Variants in STAT3 observed in about 807,000 individuals in gnomAD.
STAT3 encodes the protein signal transducer and activator of transcription 3, also known as DNA-binding protein APRF.
In STAT3, 7 loss-of-function variants were observed where a neutral mutation model predicts 114.3. The observed-to-expected ratio is 0.06, with a 90% confidence interval of 0.03 to 0.11. STAT3 has a LOEUF of 0.11. Among genes scored for constraint, STAT3 ranks in the 10% least tolerant of loss-of-function variants. The pLI is 1.00. For synonymous variants in STAT3, 331 were observed against 354.5 expected, an observed-to-expected ratio of 0.93 and a Z score of 0.74; for missense variants, 364 against 960.9, an observed-to-expected ratio of 0.38 and a Z score of 8.21.
chr17:42,333,768 G>T lies in STAT3; in HGVS notation c.957-3C>A. On this transcript the variant is annotated splice_region_variant and splice_polypyrimidine_tract_variant and intron_variant, in intron 9 of 23. Coordinates refer to ENST00000264657, the MANE Select transcript of STAT3 (RefSeq NM_139276.3). This position sits in a 1 kb window ranked among gnomAD's most constrained non-coding sequence, Gnocchi z 5.2. ...GCTGCCGCTCCACCACAAAGGCACT[G>T]AGGAAAGAGAAGATGGGCTCACGCG... The T allele has an allele frequency of 6.2e-7, 1 of 1,614,234 alleles. No homozygotes were observed. The highest frequency in any genetic ancestry group is 8.5e-7 in the Non-Finnish European group (1 of 1,180,048).
chr17:42,337,551 C>A lies in STAT3; in HGVS notation c.681G>T (p.Ala227=). 6.2e-7 allele frequency: 1 copy of A among 1,614,232 alleles called. No homozygotes were observed. Among genetic ancestry groups the A allele is most frequent in the Non-Finnish European group, 8.5e-7 (1 of 1,180,048 alleles). Residue 227 remains alanine, a synonymous_variant, in exon 8 of 24, where the codon GCG becomes GCT. Coordinates refer to ENST00000264657, the MANE Select transcript of STAT3 (RefSeq NM_139276.3). This position sits in a 1 kb window ranked among gnomAD's most constrained non-coding sequence, Gnocchi z 4.0. ...TGAGAGTTTTCTGCACGTACTCCAT[C>A]GCTGACAAAAGCCCCGCCAGCTCAC... is the stretch of plus-strand genomic sequence containing the variant. ...IVSELAGLLS[A]MEYVQKTLTD... is the part of the protein sequence containing the mutation.
At chr17:42,330,186 G>A (rs1376214177) in intron 11 of STAT3, among the ~76,000 whole-genome samples, 4 of 148,608 alleles carry the variant, frequency 2.7e-5, no homozygotes, top group South Asian at 2.1e-4. Flanking sequence ...GTGTGATCTC[G>A]GCTCACCACA....
At chr17:42,381,339 G>T (rs375139397) in intron 1 of STAT3, among the ~76,000 whole-genome samples, 1 of 152,176 alleles carries the variant, frequency 6.6e-6, no homozygotes, top group Non-Finnish European at 1.5e-5. Flanking sequence ...CTTATGGCTG[G>T]GGGTAGCAGG....
At chr17:42,359,868 G>A (rs1369565794) in intron 1 of STAT3, among the ~76,000 whole-genome samples, 2 of 151,878 alleles carry the variant, frequency 1.3e-5, no homozygotes, top group African/African-American at 2.4e-5. Context: ...AGACCATCCT[G>A]GCTAACACGG....
At chr17:42,316,447 G>A in intron 23 of STAT3, 2 of 418,568 alleles carry the variant, frequency 4.8e-6, no homozygotes, top group Non-Finnish European at 9.0e-6. Context: ...TCGAACTCCT[G>A]ACCTCAAGTG....
chr17:42,342,397 C>T (rs1407812187), intron 4 of STAT3, among the ~76,000 whole-genome samples: 2 of 151,858 alleles, frequency 1.3e-5, no homozygotes, highest in African/African-American at 4.8e-5. Flanking sequence ...ACATGAGAAT[C>T]GCTTGAACCT....
Position 42,315,899 on chromosome 17 carries a change from T to C in STAT3, c.2258-99A>G, listed in dbSNP as rs2081229260. 5 of 1,605,264 alleles carry C rather than the reference T, an allele frequency of 3.1e-6. No homozygotes were observed. The South Asian group carries it at 5.5e-5, about 18-fold the overall frequency. On this transcript the variant is annotated intron_variant, in intron 23 of 23. Coordinates refer to ENST00000264657, the MANE Select transcript of STAT3 (RefSeq NM_139276.3). ...CAGAGGACAGGGCCCAGGCTACCAC[T>C]GCTATCCAATCTCCTGCCCCTTAAG...
In STAT3 at chr17:42,329,469, G is replaced by C. The variant is rs548950456; in HGVS notation, c.1234-12C>G. ...TGCTCCCTCAGGGTCTGTAAGAAAAGAAAAAGGCAGGTGTCCTGTGAGGCT... is the reference window on the plus strand; with the variant it reads ...TGCTCCCTCAGGGTCTGTAAGAAAACAAAAAGGCAGGTGTCCTGTGAGGCT... On this transcript the variant is annotated splice_polypyrimidine_tract_variant and intron_variant, in intron 13 of 23. Transcript: ENST00000264657. The C allele has an allele frequency of 1.2e-6, 2 of 1,614,188 alleles. No homozygotes were observed. The highest frequency in any genetic ancestry group is 4.5e-5 in the East Asian group (2 of 44,888).
At chr17:42,371,607 C>T (rs1164835938) in intron 1 of STAT3, among the ~76,000 whole-genome samples, 4 of 145,148 alleles carry the variant, frequency 2.8e-5, no homozygotes, top group African/African-American at 7.8e-5. Flanking sequence ...ACTCAGGAGG[C>T]GGAGGTTGCA....
intron 1 of STAT3, among the ~76,000 whole-genome samples, chr17:42,378,730 T>C (rs1184888826): frequency 6.6e-6 from 1 of 152,196 alleles, no homozygotes; most frequent in Non-Finnish European, 1.5e-5. Flanking sequence ...GCTAACTCAA[T>C]GCAATATTGC....
Position 42,315,705 on chromosome 17 carries a change from G to C in STAT3, c.*40C>G. On this transcript the variant is annotated 3_prime_UTR_variant, in exon 24 of 24. Transcript: ENST00000264657. The stretch of plus-strand genomic sequence containing the variant: ...GAGGGGTGGCAGAATGCAGGTAGGC[G>C]CCTCAGTCGTATCTTTCTGCAGCTT... 6.3e-7 allele frequency: 1 copy of C among 1,592,622 alleles called. No homozygotes were observed. Among genetic ancestry groups the C allele is most frequent in the Non-Finnish European group, 8.6e-7 (1 of 1,160,460 alleles).
At chr17:42,382,251 C>T (rs2084839841) in intron 1 of STAT3, among the ~76,000 whole-genome samples, 1 of 152,198 alleles carries the variant, frequency 6.6e-6, no homozygotes, top group Non-Finnish European at 1.5e-5. Context: ...TTAGTAAGAA[C>T]TTAGATTTAC....
chr17:42,316,483 T>C (rs1203505688), intron 23 of STAT3: 1 of 548,660 alleles, frequency 1.8e-6, no homozygotes, highest in Non-Finnish European at 3.2e-6. Flanking sequence ...CCTCCCAAAG[T>C]GCTGGGATTA....
At chr17:42,317,562 G>T in intron 21 of STAT3, 1 of 418,994 alleles carries the variant, frequency 2.4e-6, no homozygotes, top group Non-Finnish European at 4.5e-6. Flanking sequence ...GCCTCCACGT[G>T]GTCTGAGCAT....
chr17:42,345,478 A>T, intron 4 of STAT3, 81 bp downstream of exon 4: 1 of 1,131,632 alleles, frequency 8.8e-7, no homozygotes, highest in Non-Finnish European at 1.3e-6. Flanking sequence ...TTTTTAGTAG[A>T]TCTAATAATT....
At chr17:42,341,230 T>C (rs2144918695) in intron 4 of STAT3, among the ~76,000 whole-genome samples, 1 of 152,318 alleles carries the variant, frequency 6.6e-6, no homozygotes, top group Non-Finnish European at 1.5e-5. Flanking sequence ...CTGTATTGGC[T>C]CCCCACTGCT....
chr17:42,380,677 C>A (rs895130906), intron 1 of STAT3, among the ~76,000 whole-genome samples: 1 of 152,176 alleles, frequency 6.6e-6, no homozygotes, highest in Non-Finnish European at 1.5e-5. Context: ...GCGTGAGCCA[C>A]CGCACTCGGC....
intron 1 of STAT3, among the ~76,000 whole-genome samples, chr17:42,369,803 T>C (rs537894139): frequency 6.6e-6 from 1 of 151,988 alleles, no homozygotes; most frequent in East Asian, 1.9e-4. Context: ...GGACTACAGG[T>C]ACATGCTGCC....
rs1159458746 is a variant in STAT3 at position 42,339,308 on chromosome 17, C to T, written c.468+6G>A. Reference sequence around the variant, plus strand: ...CTCCCTGCCCGAGGCTTGTAACTTGCATCACCTGCACTCTCTTCCGGACAT... The same window carrying T: ...CTCCCTGCCCGAGGCTTGTAACTTGTATCACCTGCACTCTCTTCCGGACAT... On this transcript the variant is annotated splice_donor_region_variant and intron_variant, in intron 5 of 23. Coordinates refer to ENST00000264657, the MANE Select transcript of STAT3 (RefSeq NM_139276.3). 8 of 1,612,932 alleles carry T rather than the reference C, an allele frequency of 5.0e-6. No individual in the cohort carries two copies. Among genetic ancestry groups the T allele is most frequent in the Non-Finnish European group, 6.8e-6 (8 of 1,179,374 alleles).
Sources: gnomAD v4.1 joint callset for allele counts (sites outside exome capture counted in the v4.1 genomes callset) on GRCh38, gnomAD v4.1.1 for gene constraint, Gnocchi (gnomAD v3.1) non-coding constraint, MANE v1.5 for transcripts, NCBI Gene and HGNC (gene_info 2026-07-23, HGNC 2026-07-21) for gene names.